Variants in SRPX observed in about 807,000 individuals in gnomAD.
The protein encoded by SRPX is sushi repeat-containing protein SRPX.
A neutral mutation model predicts 38.1 loss-of-function variants in SRPX; 24 were observed. The observed-to-expected ratio is 0.63, with a 90% CI of 0.46 to 0.89. The LOEUF (loss-of-function observed/expected upper bound fraction) is 0.89. Among genes scored for constraint, SRPX ranks in the 40% least tolerant of loss-of-function variants. SRPX has a pLI of 0.00. For missense variants in SRPX, 416 were observed against 377.8 expected (o/e 1.10, Z -0.84); for synonymous variants, 184 against 153.8 (o/e 1.20, Z -1.45).
chrX:38,152,585 A>G (rs1465352083), intron 9 of SRPX, among the ~76,000 whole-genome samples: 1 of 112,414 alleles, frequency 8.9e-6, no homozygotes, highest in Non-Finnish European at 1.9e-5. Flanking sequence ...GATGGAGGTT[A>G]AAAATTTGAG....
chrX:38,197,076 C>T (rs1334961192), intron 1 of SRPX, among the ~76,000 whole-genome samples: 3 of 112,363 alleles, frequency 2.7e-5, no homozygotes, highest in Non-Finnish European at 5.6e-5. Flanking sequence ...GGAGATGGCA[C>T]AGGGCATCAA....
At chrX:38,201,579 C>G (rs1939111858) in intron 1 of SRPX, among the ~76,000 whole-genome samples, 1 of 111,787 alleles carries the variant, frequency 8.9e-6, no homozygotes, top group South Asian at 3.7e-4. Flanking sequence ...CGCCTGTAAT[C>G]CCAACACTTT....
chrX:38,176,990 G>A (rs1366017619), intron 2 of SRPX, among the ~76,000 whole-genome samples: 3 of 110,558 alleles, frequency 2.7e-5, no homozygotes, highest in Non-Finnish European at 3.8e-5. Context: ...TTGGCCATCT[G>A]GTCTACCTGT....
At chrX:38,150,483 C>T (rs372027891) in intron 9 of SRPX, among the ~76,000 whole-genome samples, 3 of 111,939 alleles carry the variant, frequency 2.7e-5, no homozygotes, top group East Asian at 2.8e-4. Flanking sequence ...AAGATGTGAC[C>T]GGCATTTAGT....
At chrX:38,159,877 G>A (rs1404846576) in intron 7 of SRPX, 140 bp downstream of exon 7, 1 of 662,140 alleles carries the variant, frequency 1.5e-6, no homozygotes, top group African/African-American at 2.2e-5. Context: ...CAGGGATCTA[G>A]GGACTATGTT....
rs751208117 is a variant in SRPX at position 38,197,186 on chromosome X, T to C, written c.98-18842A>G. ...AGAAATTAAATAGAGATTATAAACATGAAGTCTTGTATTTCTCTCCCTACA... is the reference window on the plus strand; with the variant it reads ...AGAAATTAAATAGAGATTATAAACACGAAGTCTTGTATTTCTCTCCCTACA... On this transcript the variant is annotated intron_variant, in intron 1 of 9. Coordinates refer to ENST00000378533, the MANE Select transcript of SRPX (RefSeq NM_006307.5). Among the ~76,000 whole-genome samples, 4 of 112,003 alleles carry C rather than the reference T, an allele frequency of 3.6e-5. No homozygotes were observed. The East Asian group carries it at 1.1e-3, about 31-fold the overall frequency.
At chrX:38,181,945 A>T (rs1007572673) in intron 1 of SRPX, among the ~76,000 whole-genome samples, 1 of 111,250 alleles carries the variant, frequency 9.0e-6, no homozygotes, top group African/African-American at 3.3e-5. Flanking sequence ...GAAAAAAAAA[A>T]CCTACTGGAG....
intron 1 of SRPX, among the ~76,000 whole-genome samples, chrX:38,178,951 T>C (rs1193218257): frequency 2.0e-5 from 2 of 100,933 alleles, no homozygotes; most frequent in African/African-American, 7.1e-5. Context: ...AATTTCTTTT[T>C]TTTTTTTTTT....
chrX:38,196,756 T>C (rs1939006157), intron 1 of SRPX, among the ~76,000 whole-genome samples: 1 of 112,263 alleles, frequency 8.9e-6, no homozygotes, highest in Admixed American at 9.4e-5. Context: ...CATAAAGATA[T>C]GCTAATGAGC....
At chrX:38,176,312 C>A (rs1190554015) in intron 2 of SRPX, among the ~76,000 whole-genome samples, 3 of 111,373 alleles carry the variant, frequency 2.7e-5, no homozygotes, top group Non-Finnish European at 5.6e-5. Flanking sequence ...TGATGGTATT[C>A]CAAGCAAAAG....
rs925171885 is a variant in SRPX at position 38,149,577 on chromosome X, A to G, written c.*134T>C. The G allele has an allele frequency of 1.5e-6, 1 of 661,796 alleles. No individual in the cohort carries two copies. The highest frequency in any genetic ancestry group is 2.3e-5 in the African/African-American group (1 of 44,324). 54.5% of individuals were successfully genotyped at this position (661,796 alleles called of 1,213,427 possible). On this transcript the variant is annotated 3_prime_UTR_variant, in exon 10 of 10. Coordinates refer to ENST00000378533, the MANE Select transcript of SRPX (RefSeq NM_006307.5). Reference sequence around the variant, plus strand: ...AGCAGCATGCTAATTTTTAAGTGCAAAGAAAGCTCATAATAAAATAGACTT... The same window carrying G: ...AGCAGCATGCTAATTTTTAAGTGCAGAGAAAGCTCATAATAAAATAGACTT...
intron 1 of SRPX, among the ~76,000 whole-genome samples, chrX:38,193,313 G>C (rs1280927433): frequency 8.9e-6 from 1 of 111,962 alleles, no homozygotes; most frequent in Non-Finnish European, 1.9e-5. Flanking sequence ...TGTTTTGTTA[G>C]TATGGGTCTT....
At chrX:38,174,871 T>G (rs1208560870) in intron 2 of SRPX, among the ~76,000 whole-genome samples, 2 of 112,335 alleles carry the variant, frequency 1.8e-5, no homozygotes, top group African/African-American at 6.5e-5. Flanking sequence ...TAAAATGTTG[T>G]AATACTGGCA....
chrX:38,150,334 C>A (rs942120946), intron 9 of SRPX, among the ~76,000 whole-genome samples: 1 of 112,096 alleles, frequency 8.9e-6, no homozygotes, highest in Admixed American at 9.4e-5. Flanking sequence ...CCAAAACCCA[C>A]GTTTGCTGAC....
chrX:38,151,253 G>A (rs193279064), intron 9 of SRPX, among the ~76,000 whole-genome samples: 77 of 112,199 alleles, frequency 6.9e-4, no homozygotes, highest in African/African-American at 2.4e-3. Context: ...CTCAGAAGTA[G>A]ATGACTGCAA....
At chrX:38,201,962 T>C (rs1284480972) in intron 1 of SRPX, among the ~76,000 whole-genome samples, 2 of 112,210 alleles carry the variant, frequency 1.8e-5, no homozygotes, top group Admixed American at 1.9e-4. Context: ...TCTCTGACTC[T>C]AAGAGTGGAA....
At position 38,159,920 on chromosome X, in the gene SRPX, C is replaced by A. The variant is rs985894378; in HGVS notation, c.955+97G>T. The A allele has an allele frequency of 4.0e-6, 4 of 989,388 alleles. No homozygotes were observed. The East Asian group carries it at 1.0e-4, about 25-fold the overall frequency. The allele number at this position is 989,388 out of a possible 1,213,427, so 81.5% of individuals were successfully genotyped here. A position where few individuals can be genotyped will look rare whatever the true frequency, so the allele number is the denominator to read the frequency against. Reference sequence around the variant, plus strand: ...TCAGATAAAGAGGGATGGCCATGAACTTCTCAAAGTATATGAAGGGAAACC... The same window carrying A: ...TCAGATAAAGAGGGATGGCCATGAAATTCTCAAAGTATATGAAGGGAAACC... On this transcript the variant is annotated intron_variant, in intron 7 of 9. Coordinates refer to ENST00000378533, the MANE Select transcript of SRPX (RefSeq NM_006307.5).
intron 9 of SRPX, among the ~76,000 whole-genome samples, chrX:38,153,282 TTTTC>T (rs1194185617): frequency 2.9e-5 from 3 of 103,767 alleles, no homozygotes; most frequent in Non-Finnish European, 3.9e-5. Context: ...CCTCTGAGTT[TTTTC>T]TTTCTTTCTT....
chrX:38,216,418 G>A (rs1939423160), intron 1 of SRPX, among the ~76,000 whole-genome samples: 1 of 112,893 alleles, frequency 8.9e-6, no homozygotes, highest in Non-Finnish European at 1.9e-5. Flanking sequence ...GCAGAGCCCA[G>A]GATTTATTAG....
Sources: allele counts gnomAD v4.1 joint callset (sites outside exome capture counted in the v4.1 genomes callset), GRCh38; gene constraint gnomAD v4.1.1; transcripts MANE v1.5; gene names NCBI Gene and HGNC (gene_info 2026-07-23, HGNC 2026-07-21).